The following SUFU variants were observed in gnomAD, a reference collection of about 807,000 sequenced individuals.
The protein encoded by SUFU is suppressor of fused homolog.
SUFU carries 7 observed loss-of-function variants against 58.9 expected under a neutral mutation model. The ratio of observed to expected loss-of-function variants is 0.12; its 90% CI spans 0.07 to 0.22. The LOEUF (loss-of-function observed/expected upper bound fraction) is 0.22. Ranked by LOEUF, SUFU falls within the 10% of genes least tolerant of loss-of-function variation. The pLI, the probability that SUFU is intolerant of heterozygous loss-of-function variation, is 1.00. For missense variants in SUFU, 451 were observed against 641.3 expected (o/e 0.70, Z 3.20); for synonymous variants, 232 against 254.8 (o/e 0.91, Z 0.85).
chr10:102,504,248 G>A lies in SUFU; in HGVS notation c.96G>A (p.Pro32=), dbSNP rs1483435746. The change falls in exon 1 of 12, where the codon CCG becomes CCA. Residue 32 remains proline (P), a synonymous_variant. Coordinates refer to ENST00000369902, the MANE Select transcript of SUFU (RefSeq NM_016169.4). ...APPAFASLFP[P]GLHAIYGECR... The stretch of plus-strand genomic sequence containing the variant: ...CGGCCTTCGCTTCGCTCTTTCCCCC[G>A]GGACTGCACGCCATCTACGGAGAGT... The A allele has an allele frequency of 3.5e-6, 5 of 1,446,620 alleles. No individual in the cohort carries two copies. The highest frequency in any genetic ancestry group is 3.7e-6 in the Non-Finnish European group (4 of 1,076,136). The allele number at this position is 1,446,620 out of a possible 1,614,324, so 89.6% of individuals were successfully genotyped here. A position where few individuals can be genotyped will look rare whatever the true frequency, so the allele number is the denominator to read the frequency against.
Position 102,632,926 on chromosome 10 carries a change from T to C in SUFU, c.*2771T>C, listed in dbSNP as rs541946245. 4 of 233,554 alleles carry C rather than the reference T, an allele frequency of 1.7e-5. No individual in the cohort carries two copies. The East Asian group carries it at 2.4e-4, about 14-fold the overall frequency. The allele number at this position is 233,554 out of a possible 1,614,324, so 14.5% of individuals were successfully genotyped here. A position where few individuals can be genotyped will look rare whatever the true frequency, so the allele number is the denominator to read the frequency against. On this transcript the variant is annotated 3_prime_UTR_variant, in exon 12 of 12. Coordinates refer to ENST00000369902, the MANE Select transcript of SUFU (RefSeq NM_016169.4). ...GCTTGTGCGAGGTCTCAGGCCTGTG[T>C]GGGGAGCTGGTGCCTCTTCCTGCCC... is the stretch of plus-strand genomic sequence containing the variant.
At chr10:102,565,732 G>A (rs1564683556) in intron 3 of SUFU, among the ~76,000 whole-genome samples, 1 of 152,100 alleles carries the variant, frequency 6.6e-6, no homozygotes. Context: ...ATTTTTAGTA[G>A]AGATGGGGTT....
chr10:102,532,797 A>G (rs1405941424), intron 2 of SUFU, among the ~76,000 whole-genome samples: 1 of 151,628 alleles, frequency 6.6e-6, no homozygotes, highest in Non-Finnish European at 1.5e-5. Flanking sequence ...GAGGTATAGG[A>G]CCTGTTTCAC....
chr10:102,633,473 C>T lies in SUFU; in HGVS notation c.*3318C>T. 4.5e-6 allele frequency: 1 copy of T among 221,968 alleles called. No homozygotes were observed. The highest frequency in any genetic ancestry group is 9.0e-6 in the Non-Finnish European group (1 of 110,822). 13.7% of individuals were successfully genotyped at this position (221,968 alleles called of 1,614,324 possible). On this transcript the variant is annotated 3_prime_UTR_variant, in exon 12 of 12. Coordinates refer to ENST00000369902, the MANE Select transcript of SUFU (RefSeq NM_016169.4). ...TGCAGAAGTGCCTGGGTTGTGTGCTCATTTCTGGCTGCCTGAAGTAGTGGA... is the reference window on the plus strand; with the variant it reads ...TGCAGAAGTGCCTGGGTTGTGTGCTTATTTCTGGCTGCCTGAAGTAGTGGA...
chr10:102,582,754 C>A (rs569759010), intron 3 of SUFU, among the ~76,000 whole-genome samples: 1 of 152,058 alleles, frequency 6.6e-6, no homozygotes, highest in Non-Finnish European at 1.5e-5. Context: ...ACATAAAAGT[C>A]GGGTAGCTGA....
intron 2 of SUFU, among the ~76,000 whole-genome samples, chr10:102,535,410 T>C (rs1397024610): frequency 3.4e-5 from 5 of 148,760 alleles, no homozygotes. Flanking sequence ...CTCTTGAACC[T>C]GGGAGGTGGA....
chr10:102,531,577 A>T (rs2062678248), intron 2 of SUFU, among the ~76,000 whole-genome samples: 1 of 152,208 alleles, frequency 6.6e-6, no homozygotes, highest in Admixed American at 6.5e-5. Context: ...GGCAGCTGCA[A>T]TACAGCAAGG....
rs749116979 is a variant in SUFU, at chr10:102,504,279, C to T, written c.127C>T (p.Arg43Cys). 2 of 1,614,098 alleles carry T rather than the reference C, an allele frequency of 1.2e-6. No individual in the cohort carries two copies. Among genetic ancestry groups the T allele is most frequent in the Admixed American group, 1.7e-5 (1 of 60,026 alleles). ...GLHAIYGECRRLYPDQPNPLQ... is the reference protein window; with the variant it reads ...GLHAIYGECRCLYPDQPNPLQ... ...GCACGCCATCTACGGAGAGTGCCGCCGCCTTTACCCTGACCAGCCGAACCC... is the reference window on the plus strand; with the variant it reads ...GCACGCCATCTACGGAGAGTGCCGCTGCCTTTACCCTGACCAGCCGAACCC... Residue 43 changes from arginine to cysteine, a missense_variant, in exon 1 of 12, where the codon CGC becomes TGC. Arg to Cys is a radical substitution (Grantham distance 180, BLOSUM62 -3). Coordinates refer to ENST00000369902, the MANE Select transcript of SUFU (RefSeq NM_016169.4).
chr10:102,612,811 C>T (rs907229378), intron 8 of SUFU, among the ~76,000 whole-genome samples: 6 of 152,214 alleles, frequency 3.9e-5, no homozygotes, highest in African/African-American at 9.7e-5. Context: ...CTCGTCACCT[C>T]ACCTCCCTAA....
At chr10:102,537,983 T>G (rs988126398) in intron 2 of SUFU, among the ~76,000 whole-genome samples, 1 of 152,238 alleles carries the variant, frequency 6.6e-6, no homozygotes, top group Non-Finnish European at 1.5e-5. Flanking sequence ...CATACTGTTT[T>G]CCATAGCAGC....
chr10:102,609,106 T>C (rs1391951424), intron 8 of SUFU, among the ~76,000 whole-genome samples: 3 of 152,244 alleles, frequency 2.0e-5, no homozygotes, highest in Admixed American at 6.5e-5. Context: ...TGGGGTTTTA[T>C]CTCAGCTCTT....
In SUFU at chr10:102,630,258, G is replaced by A. The variant is rs2063826135; in HGVS notation, c.*103G>A. On this transcript the variant is annotated 3_prime_UTR_variant, in exon 12 of 12. Coordinates refer to ENST00000369902, the MANE Select transcript of SUFU (RefSeq NM_016169.4). ...GAGATCTCCACAAATAAAAGGACAA[G>A]TGTGAGGAAGACTGCGCAGTGCCAC... 9.3e-7 allele frequency: 1 copy of A among 1,077,024 alleles called. No homozygotes were observed. Among genetic ancestry groups the A allele is most frequent in the African/African-American group, 1.6e-5 (1 of 64,420 alleles). The allele number at this position is 1,077,024 out of a possible 1,614,324, so 66.7% of individuals were successfully genotyped here. A position where few individuals can be genotyped will look rare whatever the true frequency, so the allele number is the denominator to read the frequency against.
intron 8 of SUFU, among the ~76,000 whole-genome samples, chr10:102,603,295 G>A (rs748553924): frequency 6.6e-6 from 1 of 152,118 alleles, no homozygotes; most frequent in Non-Finnish European, 1.5e-5. Context: ...CCAAAATGCT[G>A]GGACTACAGG....
Position 102,509,266 on chromosome 10 carries a change from G to A in SUFU, c.280G>A (p.Gly94Ser). ...CGAGCACTGGCACTACATCAGCTTCGGCCTGAGTGATCTCTATGGTGACAA... is the reference window on the plus strand; with the variant it reads ...CGAGCACTGGCACTACATCAGCTTCAGCCTGAGTGATCTCTATGGTGACAA... ...IPEHWHYISF[G>S]LSDLYGDNRV... The change falls in exon 2 of 12, where the codon GGC becomes AGC. Residue 94 changes from glycine to serine, a missense_variant. Coordinates refer to ENST00000369902, the MANE Select transcript of SUFU (RefSeq NM_016169.4). 1.2e-6 allele frequency: 2 copies of A among 1,614,126 alleles called. No homozygotes were observed. The highest frequency in any genetic ancestry group is 1.7e-6 in the Non-Finnish European group (2 of 1,180,018).
chr10:102,523,328 G>T (rs1031727532), intron 2 of SUFU, among the ~76,000 whole-genome samples: 1 of 152,148 alleles, frequency 6.6e-6, no homozygotes, highest in Non-Finnish European at 1.5e-5. Context: ...GCCTCTTGGA[G>T]CCCTGCCTCC....
At chr10:102,623,519 C>T (rs2063760170) in intron 10 of SUFU, among the ~76,000 whole-genome samples, 1 of 152,242 alleles carries the variant, frequency 6.6e-6, no homozygotes, top group Non-Finnish European at 1.5e-5. Context: ...AAGCTACCTT[C>T]ACCTCCCTCA....
Position 102,617,081 on chromosome 10 carries a change from G to A in SUFU, c.1158-209G>A, listed in dbSNP as rs1400259184. 1.3e-5 allele frequency among the ~76,000 whole-genome samples: 2 copies of A among 152,258 alleles called. No homozygotes were observed. The highest frequency in any genetic ancestry group is 2.9e-5 in the Non-Finnish European group (2 of 68,052). On this transcript the variant is annotated intron_variant, in intron 9 of 11. Coordinates refer to ENST00000369902, the MANE Select transcript of SUFU (RefSeq NM_016169.4). The surrounding 1 kb of genome is among the most constrained non-coding windows in gnomAD (Gnocchi z 4.4). ...AGCACTTTGGAAGGATGATGTTAGA[G>A]AACTTGTGAGAGGAGCTTCTCTTTG...
chr10:102,571,707 C>A (rs1311867006), intron 3 of SUFU, among the ~76,000 whole-genome samples: 2 of 152,114 alleles, frequency 1.3e-5, no homozygotes. Flanking sequence ...AAAACAACAA[C>A]AAAAAATTAG....
chr10:102,505,727 G>A (rs1025837017), intron 1 of SUFU, among the ~76,000 whole-genome samples: 19 of 152,208 alleles, frequency 1.2e-4, no homozygotes, highest in African/African-American at 4.1e-4. Flanking sequence ...CAGAGTAGAC[G>A]GGAGGAGGTG....
Sources: allele counts gnomAD v4.1 joint callset (sites outside exome capture counted in the v4.1 genomes callset), GRCh38; gene constraint gnomAD v4.1.1; non-coding constraint Gnocchi (gnomAD v3.1); transcripts MANE v1.5; gene names NCBI Gene and HGNC (gene_info 2026-07-23, HGNC 2026-07-21).